Variants in GNAI1 observed in about 807,000 individuals in gnomAD.
The protein encoded by GNAI1 is guanine nucleotide-binding protein G(i) subunit alpha-1.
Under a neutral mutation model 38.9 loss-of-function variants are expected in GNAI1, and 11 were observed. The observed-to-expected ratio is 0.28, with a 90% confidence interval of 0.18 to 0.47. The LOEUF (loss-of-function observed/expected upper bound fraction) is 0.47, where lower values mean the gene tolerates loss of function less well. Ranked by LOEUF, GNAI1 falls within the 20% of genes least tolerant of loss-of-function variation. GNAI1 has a pLI of 0.99. For missense variants in GNAI1, 317 were observed against 436.9 expected (o/e 0.73, Z 2.45); for synonymous variants, 166 against 145.1 (o/e 1.14, Z -1.04).
intron 1 of GNAI1, chr7:80,135,868 G>T (rs1375076194): frequency 1.0e-6 from 1 of 985,268 alleles, no homozygotes; most frequent in African/African-American, 1.7e-5. Flanking sequence ...TTCCCCCTGC[G>T]CTGAGAAAAG....
At chr7:80,180,891 C>T (rs990033385) in intron 1 of GNAI1, among the ~76,000 whole-genome samples, 1 of 152,118 alleles carries the variant, frequency 6.6e-6, no homozygotes, top group Non-Finnish European at 1.5e-5. Flanking sequence ...GGTCTTCATT[C>T]AGTGATGCTC....
chr7:80,165,956 G>A (rs1297685876), intron 1 of GNAI1, among the ~76,000 whole-genome samples: 1 of 151,996 alleles, frequency 6.6e-6, no homozygotes, highest in Non-Finnish European at 1.5e-5. Context: ...TAAAACCTTG[G>A]ACTCCTAGAT....
intron 6 of GNAI1, 93 bp downstream of exon 6, chr7:80,211,191 G>T: frequency 9.4e-7 from 1 of 1,066,514 alleles, no homozygotes; most frequent in Admixed American, 2.3e-5. Flanking sequence ...CAATTTGAAA[G>T]TACAGGGTCT....
intron 4 of GNAI1, 42 bp downstream of exon 4, chr7:80,199,424 T>TACTTGGAAGTATATTTG: frequency 1.4e-6 from 2 of 1,415,964 alleles, no homozygotes; most frequent in Non-Finnish European, 1.9e-6. Flanking sequence ...CATGAATAAT[T>TACTTGGAAGTATATTTG]ACTTGCAAGT....
intron 1 of GNAI1, among the ~76,000 whole-genome samples, chr7:80,168,854 A>G (rs373112524): frequency 3.4e-4 from 52 of 152,158 alleles, no homozygotes; most frequent in African/African-American, 1.3e-3. Flanking sequence ...CCACTATCCT[A>G]CGTTTCTAAA....
At chr7:80,136,969 G>C (rs999337895) in intron 1 of GNAI1, among the ~76,000 whole-genome samples, 7 of 152,084 alleles carry the variant, frequency 4.6e-5, no homozygotes, top group Admixed American at 1.3e-4. Context: ...TTTGGGGCTG[G>C]GTAATTCTTT....
At position 80,219,747 on chromosome 7, in the gene GNAI1, C is replaced by T. The variant is rs185268076; in HGVS notation, c.*2254C>T. ...ACTTTTTAGTTTAAGTTCTGGGATA[C>T]GTGTGCTGAACATGCAGGTTGGTTA... On this transcript the variant is annotated 3_prime_UTR_variant, in exon 8 of 8. Coordinates refer to ENST00000649796, the MANE Select transcript of GNAI1 (RefSeq NM_002069.6). Among the ~76,000 whole-genome samples, 206 of 152,226 alleles carry T rather than the reference C, an allele frequency of 1.4e-3. 2 individuals are homozygous for T. The highest frequency in any genetic ancestry group is 4.3e-3 in the African/African-American group (179 of 41,542).
intron 5 of GNAI1, among the ~76,000 whole-genome samples, chr7:80,208,435 G>C (rs1028894368): frequency 5.3e-5 from 8 of 152,060 alleles, no homozygotes; most frequent in African/African-American, 1.7e-4. Flanking sequence ...AGCTCTCTCT[G>C]AATTCCAACA....
intron 3 of GNAI1, among the ~76,000 whole-genome samples, chr7:80,190,324 T>A (rs1325912557): frequency 6.6e-6 from 1 of 152,028 alleles, no homozygotes; most frequent in Non-Finnish European, 1.5e-5. Flanking sequence ...TAAACTTTTT[T>A]AAAAAGCTTA....
chr7:80,204,422 A>G (rs1328142946), intron 5 of GNAI1, among the ~76,000 whole-genome samples: 1 of 152,100 alleles, frequency 6.6e-6, no homozygotes, highest in Non-Finnish European at 1.5e-5. Context: ...CTTGGAGTGC[A>G]TATTTTTCCA....
At chr7:80,154,211 A>G (rs1286600074) in intron 1 of GNAI1, among the ~76,000 whole-genome samples, 1 of 152,214 alleles carries the variant, frequency 6.6e-6, no homozygotes, top group Non-Finnish European at 1.5e-5. Flanking sequence ...GGCATGAGCC[A>G]CTGTGCATGG....
chr7:80,196,465 A>T (rs558898724), intron 3 of GNAI1, among the ~76,000 whole-genome samples: 1 of 152,074 alleles, frequency 6.6e-6, no homozygotes, highest in East Asian at 1.9e-4. Flanking sequence ...TATAGATGTT[A>T]AGTAATTTTC....
chr7:80,188,771 C>T (rs1017324326), intron 1 of GNAI1, among the ~76,000 whole-genome samples, 180 bp from the exon 2 acceptor site: 7 of 151,998 alleles, frequency 4.6e-5, no homozygotes, highest in Admixed American at 4.6e-4. Context: ...TATACTTATT[C>T]ATCCTACATA....
chr7:80,212,231 T>C (rs1321564983), intron 6 of GNAI1, among the ~76,000 whole-genome samples: 3 of 152,224 alleles, frequency 2.0e-5, no homozygotes, highest in Non-Finnish European at 4.4e-5. Context: ...GCACAGATCC[T>C]GGAAGGTCAA....
At chr7:80,203,477 A>T (rs1272786796) in intron 4 of GNAI1, among the ~76,000 whole-genome samples, 1 of 152,168 alleles carries the variant, frequency 6.6e-6, no homozygotes, top group Non-Finnish European at 1.5e-5. Context: ...CATTTAAAAA[A>T]TACTAAAAGA....
intron 5 of GNAI1, among the ~76,000 whole-genome samples, chr7:80,205,195 C>T (rs1788753039): frequency 6.6e-6 from 1 of 152,014 alleles, no homozygotes; most frequent in African/African-American, 2.4e-5. Flanking sequence ...AGTATTAAAA[C>T]CTATGCATGT....
At chr7:80,141,594 C>T (rs1195158491) in intron 1 of GNAI1, among the ~76,000 whole-genome samples, 1 of 152,136 alleles carries the variant, frequency 6.6e-6, no homozygotes, top group Admixed American at 6.5e-5. Flanking sequence ...GGGAGTCATC[C>T]TTCTTTTCTA....
intron 1 of GNAI1, among the ~76,000 whole-genome samples, chr7:80,160,775 C>T (rs530908986): frequency 3.3e-5 from 5 of 151,994 alleles, no homozygotes; most frequent in Non-Finnish European, 5.9e-5. Context: ...TTTGGTAAAA[C>T]AATTTGAGTA....
At chr7:80,162,762 C>T (rs553694873) in intron 1 of GNAI1, among the ~76,000 whole-genome samples, 1 of 152,194 alleles carries the variant, frequency 6.6e-6, no homozygotes, top group African/African-American at 2.4e-5. Flanking sequence ...CTTATTCAGC[C>T]ACACACTGGG....
Sources: allele counts gnomAD v4.1 joint callset (sites outside exome capture counted in the v4.1 genomes callset), GRCh38; gene constraint gnomAD v4.1.1; transcripts MANE v1.5; gene names NCBI Gene and HGNC (gene_info 2026-07-23, HGNC 2026-07-21).